Variants in DISC1 observed in about 807,000 individuals in gnomAD.
The protein encoded by DISC1 is disrupted in schizophrenia 1 protein.
Under a neutral mutation model 84.5 loss-of-function variants are expected in DISC1, and 57 were observed. The observed-to-expected ratio is 0.67, with a 90% CI of 0.55 to 0.84. The LOEUF (loss-of-function observed/expected upper bound fraction) is 0.84. Ranked by LOEUF, DISC1 falls within the 40% of genes least tolerant of loss-of-function variation. The pLI is 0.00. For missense variants in DISC1, 1,000 were observed against 1,057.8 expected, an observed-to-expected ratio of 0.95 and a Z score of 0.76; for synonymous variants, 411 against 415.2, an observed-to-expected ratio of 0.99 and a Z score of 0.12.
intron 12 of DISC1, among the ~76,000 whole-genome samples, chr1:232,034,724 A>G (rs1166025523): frequency 1.3e-5 from 2 of 152,212 alleles, no homozygotes; most frequent in African/African-American, 4.8e-5. Context: ...GTCAGGATTC[A>G]TAAACTGCTT....
chr1:231,886,794 T>C (rs1415319904), intron 9 of DISC1, among the ~76,000 whole-genome samples: 27 of 143,438 alleles, frequency 1.9e-4, no homozygotes, highest in South Asian at 2.3e-4. Flanking sequence ...TTTCTTTCTT[T>C]CTTTCTTTCT....
chr1:231,893,906 G>A (rs917953574), intron 9 of DISC1, among the ~76,000 whole-genome samples: 2 of 152,154 alleles, frequency 1.3e-5, no homozygotes, highest in Non-Finnish European at 2.9e-5. Flanking sequence ...ATATCACAAA[G>A]ACATGAAAGC....
chr1:231,661,252 G>T (rs997986108), intron 1 of DISC1, among the ~76,000 whole-genome samples: 1 of 151,820 alleles, frequency 6.6e-6, no homozygotes, highest in African/African-American at 2.4e-5. Flanking sequence ...GGATCCTACT[G>T]GGGTTCTCTG....
At chr1:231,652,738 A>G (rs1325887119) in intron 1 of DISC1, among the ~76,000 whole-genome samples, 3 of 152,140 alleles carry the variant, frequency 2.0e-5, no homozygotes, top group Non-Finnish European at 4.4e-5. Flanking sequence ...TATAGCACAG[A>G]TATGTTTTCA....
At chr1:231,708,895 CTA>C (rs2067441795) in intron 3 of DISC1, among the ~76,000 whole-genome samples, 1 of 152,194 alleles carries the variant, frequency 6.6e-6, no homozygotes. Context: ...AAAAATTAGT[CTA>C]TTTTTATCTA....
At chr1:231,633,238 C>T (rs1371487261) in intron 1 of DISC1, among the ~76,000 whole-genome samples, 1 of 152,176 alleles carries the variant, frequency 6.6e-6, no homozygotes, top group Admixed American at 6.5e-5. Context: ...GACAGCCACA[C>T]ATTAGAAAGG....
chr1:231,979,163 C>CCCAGAT (rs1332980339), intron 10 of DISC1, among the ~76,000 whole-genome samples: 9 of 151,934 alleles, frequency 5.9e-5, no homozygotes, highest in Admixed American at 4.6e-4. Context: ...TCCCATCACC[C>CCCAGAT]CCAGATGGGA....
At chr1:231,986,752 T>C (rs934196373) in intron 10 of DISC1, among the ~76,000 whole-genome samples, 2 of 152,194 alleles carry the variant, frequency 1.3e-5, no homozygotes, top group Non-Finnish European at 2.9e-5. Flanking sequence ...TCACTTGGTG[T>C]ATCCAGTGAA....
At chr1:231,902,833 T>C (rs560875219) in intron 9 of DISC1, among the ~76,000 whole-genome samples, 1 of 152,290 alleles carries the variant, frequency 6.6e-6, no homozygotes. Flanking sequence ...CTGAAACTTT[T>C]TGAACACCAA....
rs572325857 is a variant in DISC1 at position 231,680,771 on chromosome 1, A to T, written c.68-13055A>T. Among the ~76,000 whole-genome samples the T allele has an allele frequency of 2.4e-4, 36 of 152,352 alleles. 1 individual carries two copies. The East Asian group carries it at 6.9e-3, about 29-fold the overall frequency. ...CTGTGTGAAATACTGAAAATTTGGGATCATTTTAAAAATAAACACTTATCT... is the reference window on the plus strand; with the variant it reads ...CTGTGTGAAATACTGAAAATTTGGGTTCATTTTAAAAATAAACACTTATCT... On this transcript the variant is annotated intron_variant, in intron 1 of 12. Coordinates refer to ENST00000439617, the MANE Select transcript of DISC1 (RefSeq NM_018662.3).
rs952579133 is a variant in DISC1 at position 231,749,819 on chromosome 1, G to T, written c.1118-107G>T. On this transcript the variant is annotated intron_variant, in intron 3 of 12. Transcript: ENST00000439617. ...TAGAAACTAGTAACCTTGTCATGAT[G>T]TCATTAAGGCAAAGGTTCACTACAA... The T allele has an allele frequency of 5.3e-5, 77 of 1,461,206 alleles. No individual in the cohort carries two copies. In the South Asian group the frequency reaches 8.6e-4, roughly 16 times the overall value. The allele number at this position is 1,461,206 out of a possible 1,614,324, so 90.5% of individuals were successfully genotyped here. A position where few individuals can be genotyped will look rare whatever the true frequency, so the allele number is the denominator to read the frequency against.
chr1:231,635,475 C>T (rs199860755), intron 1 of DISC1, among the ~76,000 whole-genome samples: 7 of 152,124 alleles, frequency 4.6e-5, no homozygotes, highest in Non-Finnish European at 1.0e-4. Flanking sequence ...CGTCTGCTCT[C>T]TCCTTCTTCT....
intron 9 of DISC1, among the ~76,000 whole-genome samples, chr1:231,930,612 A>C (rs568944297): frequency 2.6e-5 from 4 of 152,242 alleles, no homozygotes; most frequent in African/African-American, 9.6e-5. Context: ...TATGGCTCAC[A>C]TAGCCTCTAA....
intron 10 of DISC1, among the ~76,000 whole-genome samples, chr1:231,998,030 G>A (rs1169721437): frequency 6.6e-6 from 1 of 152,168 alleles, no homozygotes; most frequent in Non-Finnish European, 1.5e-5. Flanking sequence ...CAAAGATAAG[G>A]AAGGATGTTG....
intron 1 of DISC1, among the ~76,000 whole-genome samples, chr1:231,678,757 C>T (rs1354454227): frequency 6.6e-6 from 1 of 152,202 alleles, no homozygotes; most frequent in Non-Finnish European, 1.5e-5. Context: ...CTTCCGCCTC[C>T]CGAGTTCAAG....
chr1:231,784,013 C>T (rs774451745), intron 6 of DISC1, among the ~76,000 whole-genome samples: 1 of 152,054 alleles, frequency 6.6e-6, no homozygotes, highest in African/African-American at 2.4e-5. Flanking sequence ...CCTGTAATCC[C>T]AACACTTTGG....
At chr1:231,744,188 G>A (rs201069654) in intron 3 of DISC1, among the ~76,000 whole-genome samples, 13 of 152,142 alleles carry the variant, frequency 8.5e-5, no homozygotes, top group Non-Finnish European at 1.5e-4. Context: ...ACGTAAAAAA[G>A]GATAATGTTT....
chr1:231,873,853 T>TTG (rs1437576229), intron 9 of DISC1, among the ~76,000 whole-genome samples: 1 of 151,540 alleles, frequency 6.6e-6, no homozygotes, highest in Non-Finnish European at 1.5e-5. Context: ...AAATAATTTT[T>TTG]TTTTTTGAGA....
intron 2 of DISC1, among the ~76,000 whole-genome samples, chr1:231,696,495 A>G (rs2065724667): frequency 6.6e-6 from 1 of 152,204 alleles, no homozygotes; most frequent in African/African-American, 2.4e-5. Flanking sequence ...ATCTGGACAC[A>G]CTTTTTCTTT....
Sources: allele counts gnomAD v4.1 joint callset (sites outside exome capture counted in the v4.1 genomes callset), GRCh38; gene constraint gnomAD v4.1.1; transcripts MANE v1.5; gene names NCBI Gene and HGNC (gene_info 2026-07-23, HGNC 2026-07-21).